The following COL11A1 variants were observed in gnomAD, a reference collection of about 807,000 sequenced individuals.
COL11A1 encodes collagen alpha-1(XI) chain.
Under a neutral mutation model 265.2 loss-of-function variants are expected in COL11A1, and 74 were observed. That is an observed-to-expected ratio of 0.28 (90% CI 0.23 to 0.34). COL11A1 has a LOEUF of 0.34. Among genes scored for constraint, COL11A1 ranks in the 10% least tolerant of loss-of-function variants. The pLI, the probability that COL11A1 is intolerant of heterozygous loss-of-function variation, is 1.00. For missense variants in COL11A1, 2,165 were observed against 2,263.6 expected (o/e 0.96, Z 0.88); for synonymous variants, 816 against 727.6 (o/e 1.12, Z -1.96).
intron 31 of COL11A1, among the ~76,000 whole-genome samples, chr1:102,982,140 A>C (rs1407642773): frequency 6.6e-6 from 1 of 151,970 alleles, no homozygotes; most frequent in African/African-American, 2.4e-5. Flanking sequence ...TATGAAGAGA[A>C]GCAATATGAA....
intron 1 of COL11A1, among the ~76,000 whole-genome samples, chr1:103,085,046 T>C (rs1672742889): frequency 6.6e-6 from 1 of 152,242 alleles, no homozygotes; most frequent in Non-Finnish European, 1.5e-5. Flanking sequence ...GTGGTCATAG[T>C]AGTGCTGGGT....
intron 4 of COL11A1, among the ~76,000 whole-genome samples, chr1:103,049,128 A>G (rs967563530): frequency 6.6e-6 from 1 of 152,134 alleles, no homozygotes; most frequent in African/African-American, 2.4e-5. Flanking sequence ...CTTGGTGCAG[A>G]GCTGAGTTCA....
chr1:102,931,479 C>G (rs1322991862), intron 46 of COL11A1, among the ~76,000 whole-genome samples: 1 of 152,094 alleles, frequency 6.6e-6, no homozygotes, highest in East Asian at 1.9e-4. Flanking sequence ...AATCTCTCTT[C>G]TTATACATTT....
At chr1:103,044,137 G>A (rs979743552) in intron 4 of COL11A1, among the ~76,000 whole-genome samples, 2 of 110,614 alleles carry the variant, frequency 1.8e-5, no homozygotes, top group Admixed American at 9.1e-5. Flanking sequence ...TTAGAATTCT[G>A]AATTTGCCAA....
In COL11A1 at chr1:102,979,364, CAT is replaced by C; in HGVS notation, c.2610+16_2610+17del. 1 of 1,589,166 alleles carries C rather than the reference CAT, an allele frequency of 6.3e-7. No homozygotes were observed. Among genetic ancestry groups the C allele is most frequent in the Non-Finnish European group, 8.6e-7 (1 of 1,157,870 alleles). Reference sequence around the variant, plus strand: ...GAACACTTATATACATAGTTCAAAACATATTTATATATCATACCCGTGCACCT... The same window carrying C: ...GAACACTTATATACATAGTTCAAAACATTTATATATCATACCCGTGCACCT... On this transcript the variant is annotated intron_variant, in intron 32 of 66. Coordinates refer to ENST00000370096, the MANE Select transcript of COL11A1 (RefSeq NM_001854.4).
intron 42 of COL11A1, 135 bp downstream of exon 42, chr1:102,946,714 G>A (rs868702994): frequency 4.4e-5 from 32 of 728,876 alleles, no homozygotes; most frequent in Non-Finnish European, 5.3e-5. Context: ...ATACATATAC[G>A]AGCCAGGGTA....
intron 4 of COL11A1, among the ~76,000 whole-genome samples, chr1:103,057,742 A>AT (rs1407773943): frequency 5.9e-5 from 9 of 152,000 alleles, no homozygotes; most frequent in Admixed American, 6.6e-5. Context: ...GAAAAGAATC[A>AT]TTTTTTTTCT....
chr1:103,022,971 G>T lies in COL11A1; in HGVS notation c.1016C>A (p.Thr339Asn). ...ATCCTCTCCCGTTAGATATTCTTCA[G>T]TAAATATTTCTTCAACTGGATTTGG... Reference protein sequence around the residue: ...NEPNPVEEIFTEEYLTGEDYD... With the variant: ...NEPNPVEEIFNEEYLTGEDYD... Residue 339 changes from threonine (T) to asparagine (N), a missense_variant, in exon 8 of 67, where the codon ACT becomes AAT. Transcript: ENST00000370096. 1 of 1,612,816 alleles carries T rather than the reference G, an allele frequency of 6.2e-7. No individual in the cohort carries two copies.
At chr1:102,922,045 T>G (rs546533161) in intron 47 of COL11A1, among the ~76,000 whole-genome samples, 1 of 152,304 alleles carries the variant, frequency 6.6e-6, no homozygotes, top group Non-Finnish European at 1.5e-5. Context: ...GAATAATTAT[T>G]TAATTTCATT....
At chr1:102,928,010 G>C (rs1219817918) in intron 46 of COL11A1, among the ~76,000 whole-genome samples, 1 of 152,018 alleles carries the variant, frequency 6.6e-6, no homozygotes, top group Non-Finnish European at 1.5e-5. Flanking sequence ...GCCCCTGTCT[G>C]CCTGGGACTT....
intron 9 of COL11A1, among the ~76,000 whole-genome samples, chr1:103,021,218 A>C (rs1667034974): frequency 6.6e-6 from 1 of 151,612 alleles, no homozygotes; most frequent in South Asian, 2.1e-4. Flanking sequence ...ATTTGGAGTG[A>C]ATTAGAGATT....
At chr1:103,004,268 G>A (rs1256185206) in intron 20 of COL11A1, among the ~76,000 whole-genome samples, 176 bp downstream of exon 20, 2 of 152,004 alleles carry the variant, frequency 1.3e-5, no homozygotes, top group African/African-American at 4.8e-5. Context: ...GATTTTCTCT[G>A]TAACAAAAGG....
intron 29 of COL11A1, among the ~76,000 whole-genome samples, chr1:102,988,888 G>T (rs867027070): frequency 2.0e-5 from 3 of 152,136 alleles, no homozygotes; most frequent in Non-Finnish European, 4.4e-5. Context: ...AATCCTGCAT[G>T]CAGACTTCAT....
At position 102,914,689 on chromosome 1, in the gene COL11A1, A is replaced by T; in HGVS notation, c.3924+15T>A. 2 of 1,596,642 alleles carry T rather than the reference A, an allele frequency of 1.3e-6. No homozygotes were observed. Among genetic ancestry groups the T allele is most frequent in the Non-Finnish European group, 1.7e-6 (2 of 1,165,344 alleles). The stretch of plus-strand genomic sequence containing the variant: ...TGGCATAAATGCCACATTAGAGGGG[A>T]CCAAACTCACTTACCGGGTTACCCT... On this transcript the variant is annotated intron_variant, in intron 51 of 66. Coordinates refer to ENST00000370096, the MANE Select transcript of COL11A1 (RefSeq NM_001854.4).
At chr1:102,985,465 A>T (rs1240131486) in intron 30 of COL11A1, among the ~76,000 whole-genome samples, 1 of 152,120 alleles carries the variant, frequency 6.6e-6, no homozygotes, top group Non-Finnish European at 1.5e-5. Flanking sequence ...CCTTGGATAT[A>T]TTAAGTTATC....
intron 4 of COL11A1, among the ~76,000 whole-genome samples, chr1:103,032,650 A>G (rs1422294821): frequency 6.6e-6 from 1 of 152,110 alleles, no homozygotes; most frequent in Non-Finnish European, 1.5e-5. Context: ...TAATCCTAGC[A>G]GGCAATTTCT....
chr1:103,026,705 T>C (rs1434797146), intron 5 of COL11A1, among the ~76,000 whole-genome samples: 1 of 152,090 alleles, frequency 6.6e-6, no homozygotes, highest in African/African-American at 2.4e-5. Context: ...TGTTTCTCTA[T>C]AAGAGCGCTA....
intron 54 of COL11A1, among the ~76,000 whole-genome samples, chr1:102,903,976 C>T (rs994195914): frequency 3.9e-5 from 6 of 152,150 alleles, no homozygotes; most frequent in South Asian, 2.1e-4. Context: ...TATTCTCCCA[C>T]CTCAGCCTCA....
rs1251178151 is a variant in COL11A1, at chr1:103,008,881, T to C, written c.1630-365A>G. Among the ~76,000 whole-genome samples, 4 of 152,196 alleles carry C rather than the reference T, an allele frequency of 2.6e-5. No homozygotes were observed. In the East Asian group the frequency reaches 5.8e-4, roughly 22 times the overall value. ...ATGTAGTAGTAGAGTAACCCATTATTACCAAATCAGATATACATGTAATCC... is the reference window on the plus strand; with the variant it reads ...ATGTAGTAGTAGAGTAACCCATTATCACCAAATCAGATATACATGTAATCC... On this transcript the variant is annotated intron_variant, in intron 14 of 66. Coordinates refer to ENST00000370096, the MANE Select transcript of COL11A1 (RefSeq NM_001854.4).
Sources: allele counts gnomAD v4.1 joint callset (sites outside exome capture counted in the v4.1 genomes callset), GRCh38; gene constraint gnomAD v4.1.1; transcripts MANE v1.5; gene names NCBI Gene and HGNC (gene_info 2026-07-23, HGNC 2026-07-21).